Variants in INTS2 observed in about 807,000 individuals in gnomAD.
INTS2 encodes KIAA1287.
In INTS2, 57 loss-of-function variants were observed where a neutral mutation model predicts 139.6. The observed-to-expected ratio is 0.41, with a 90% CI of 0.33 to 0.51. The LOEUF is 0.51. INTS2 is among the 20% of genes least tolerant of loss of function. The pLI, the probability that INTS2 is intolerant of heterozygous loss-of-function variation, is 0.28. For synonymous variants in INTS2, 473 were observed against 493.4 expected, an observed-to-expected ratio of 0.96 and a Z score of 0.55; for missense variants, 1,196 against 1,436.7, an observed-to-expected ratio of 0.83 and a Z score of 2.71.
intron 7 of INTS2, 109 bp from the exon 8 acceptor site, chr17:61,907,743 A>T: frequency 1.2e-6 from 1 of 801,904 alleles, no homozygotes; most frequent in African/African-American, 1.7e-5. Flanking sequence ...GGCCTATTTG[A>T]AGAGATTGTC....
At chr17:61,923,126 A>G (rs769999592) in intron 3 of INTS2, among the ~76,000 whole-genome samples, 3 of 151,972 alleles carry the variant, frequency 2.0e-5, no homozygotes, top group Non-Finnish European at 4.4e-5. Flanking sequence ...AAAAAAGAGA[A>G]GGAAATTATA....
At chr17:61,912,150 A>T in intron 5 of INTS2, 80 bp from the exon 6 acceptor site, 1 of 1,453,628 alleles carries the variant, frequency 6.9e-7, no homozygotes, top group Non-Finnish European at 9.4e-7. Context: ...GAAAAGGATC[A>T]GGGTATTTGA....
chr17:61,908,502 T>A (rs116616618), intron 7 of INTS2, among the ~76,000 whole-genome samples: 1 of 152,196 alleles, frequency 6.6e-6, no homozygotes, highest in East Asian at 1.9e-4. Flanking sequence ...CTCTGCACAG[T>A]CGAACATTGT....
intron 9 of INTS2, among the ~76,000 whole-genome samples, chr17:61,903,174 GAAAAAAA>G (rs551514700): frequency 1.2e-4 from 7 of 59,964 alleles, no homozygotes; most frequent in African/African-American, 4.0e-4. Context: ...CTCAAAAAAG[GAAAAAAA>G]AAAAAAAAAA....
At chr17:61,900,765 C>T (rs1332237494) in intron 9 of INTS2, among the ~76,000 whole-genome samples, 1 of 152,066 alleles carries the variant, frequency 6.6e-6, no homozygotes, top group Non-Finnish European at 1.5e-5. Flanking sequence ...CGAGACCAGC[C>T]TGACCAACAT....
rs1567886049 is a variant in INTS2, at chr17:61,869,297, A to C, written c.3114T>G (p.Ile1038Met). 1.2e-6 allele frequency: 2 copies of C among 1,605,858 alleles called. No individual in the cohort carries two copies. The highest frequency in any genetic ancestry group is 1.7e-6 in the Non-Finnish European group (2 of 1,175,580). ...CCTGTTTCTCAAGTTCTGGCTGTGC[A>C]ATAAGCTCAGGTATGAAATCTAGAC... The part of the protein sequence containing the change: ...HICLDFIPEL[I>M]AQPELEKQIF... The change falls in exon 22 of 25, where the codon ATT becomes ATG. Residue 1038 changes from isoleucine to methionine, a missense_variant. This residue lies in a region of INTS2 where 1,129 missense variants were observed against 1,341.9 expected (regional missense o/e 0.84). Coordinates refer to ENST00000251334, the MANE Select transcript of INTS2 (RefSeq NM_001351695.2). This position sits in a 1 kb window ranked among gnomAD's most constrained non-coding sequence, Gnocchi z 5.4.
intron 12 of INTS2, among the ~76,000 whole-genome samples, chr17:61,894,490 T>G (rs927233599): frequency 3.9e-5 from 6 of 152,144 alleles, no homozygotes; most frequent in African/African-American, 7.2e-5. Context: ...CAGGAGTATA[T>G]GTGCATATGC....
intron 16 of INTS2, among the ~76,000 whole-genome samples, chr17:61,884,348 AG>A (rs1310788394): frequency 6.6e-6 from 1 of 152,004 alleles, no homozygotes; most frequent in Non-Finnish European, 1.5e-5. Flanking sequence ...TAAATTAGAC[AG>A]GCATGGTGGC....
At chr17:61,914,293 C>T (rs184055005) in intron 5 of INTS2, among the ~76,000 whole-genome samples, 39 of 152,268 alleles carry the variant, frequency 2.6e-4, no homozygotes, top group East Asian at 2.5e-3. Flanking sequence ...TATTTTGTCA[C>T]GCCTGTAAAT....
rs2079271746 is a variant in INTS2 at position 61,889,841 on chromosome 17, C to G, written c.1929G>C (p.Val643=). 1.9e-6 allele frequency: 3 copies of G among 1,612,462 alleles called. No homozygotes were observed. The highest frequency in any genetic ancestry group is 1.7e-6 in the Non-Finnish European group (2 of 1,178,964). ...CTTCATAAGACAGTATATAGTAGAG[C>G]ACCAAAAGCTGTGCTGTGATACTGA... The part of the protein sequence containing the change: ...QRFSITAQLL[V]LYYILSYEEA... The change falls in exon 15 of 25, where the codon GTG becomes GTC. Residue 643 remains valine (V), a synonymous_variant. Coordinates refer to ENST00000251334, the MANE Select transcript of INTS2 (RefSeq NM_001351695.2).
chr17:61,905,389 C>T (rs2079450729), intron 8 of INTS2, among the ~76,000 whole-genome samples: 1 of 152,208 alleles, frequency 6.6e-6, no homozygotes, highest in South Asian at 2.1e-4. Context: ...CGCAGTGGCA[C>T]AATCTCGGCT....
intron 3 of INTS2, 86 bp from the exon 4 acceptor site, chr17:61,921,913 G>A (rs998538537): frequency 4.3e-6 from 3 of 705,280 alleles, no homozygotes; most frequent in Non-Finnish European, 4.7e-6. Context: ...TGAGCTCACA[G>A]ATTATGTCTC....
rs1041003513 is a variant in INTS2, at chr17:61,911,367, T to C, written c.954+153A>G. 7 of 531,936 alleles carry C rather than the reference T, an allele frequency of 1.3e-5. No homozygotes were observed. The African/African-American group carries it at 1.4e-4, about 10-fold the overall frequency. 33.0% of individuals were successfully genotyped at this position (531,936 alleles called of 1,614,324 possible). Reference sequence around the variant, plus strand: ...CCACATAAACAAAAGCTCTTTGGTATCCTTAGTGATTTTTTAAAATATAAG... The same window carrying C: ...CCACATAAACAAAAGCTCTTTGGTACCCTTAGTGATTTTTTAAAATATAAG... On this transcript the variant is annotated intron_variant, in intron 7 of 24. Coordinates refer to ENST00000251334, the MANE Select transcript of INTS2 (RefSeq NM_001351695.2).
intron 2 of INTS2, among the ~76,000 whole-genome samples, chr17:61,925,626 CA>C (rs2079703501): frequency 6.6e-6 from 1 of 151,764 alleles, no homozygotes; most frequent in African/African-American, 2.4e-5. Flanking sequence ...CCACAACTGA[CA>C]ATTAACACTC....
intron 8 of INTS2, 54 bp from the exon 9 acceptor site, chr17:61,904,639 A>G: frequency 6.8e-7 from 1 of 1,460,626 alleles, no homozygotes; most frequent in Non-Finnish European, 9.2e-7. Flanking sequence ...TGAAGAAGAA[A>G]AAGTGAATTT....
At chr17:61,877,224 A>G (rs1205013569) in intron 18 of INTS2, among the ~76,000 whole-genome samples, 1 of 152,204 alleles carries the variant, frequency 6.6e-6, no homozygotes, top group African/African-American at 2.4e-5. Flanking sequence ...GGATATAAAT[A>G]CCAGAATAAA....
At chr17:61,926,868 G>A (rs1342806865) in intron 1 of INTS2, among the ~76,000 whole-genome samples, 1 of 152,098 alleles carries the variant, frequency 6.6e-6, no homozygotes, top group Non-Finnish European at 1.5e-5. Context: ...GTATATTAAT[G>A]TCTCTTCCAG....
At position 61,873,351 on chromosome 17, in the gene INTS2, C is replaced by T. The variant is rs2079103554; in HGVS notation, c.2583-891G>A. Among the ~76,000 whole-genome samples, 3 of 151,716 alleles carry T rather than the reference C, an allele frequency of 2.0e-5. No homozygotes were observed. The highest frequency in any genetic ancestry group is 4.2e-4 in the South Asian group (2 of 4,814). On this transcript the variant is annotated intron_variant, in intron 19 of 24. Coordinates refer to ENST00000251334, the MANE Select transcript of INTS2 (RefSeq NM_001351695.2). This position sits in a 1 kb window ranked among gnomAD's most constrained non-coding sequence, Gnocchi z 4.0. ...CCAGCCTGGACAACATAGCAAGACCCCCAACTCAAAAAATAAAAATAAATT... is the reference window on the plus strand; with the variant it reads ...CCAGCCTGGACAACATAGCAAGACCTCCAACTCAAAAAATAAAAATAAATT...
At chr17:61,907,802 T>C (rs1360595272) in intron 7 of INTS2, among the ~76,000 whole-genome samples, 168 bp from the exon 8 acceptor site, 1 of 152,206 alleles carries the variant, frequency 6.6e-6, no homozygotes, top group African/African-American at 2.4e-5. Flanking sequence ...CAAAATCCAC[T>C]AGTTTGTCTG....
Sources: gnomAD v4.1 joint callset for allele counts (sites outside exome capture counted in the v4.1 genomes callset) on GRCh38, gnomAD v4.1.1 for gene constraint, gnomAD v4.1.1 regional missense constraint, Gnocchi (gnomAD v3.1) non-coding constraint, MANE v1.5 for transcripts, NCBI Gene and HGNC (gene_info 2026-07-23, HGNC 2026-07-21) for gene names.